MAML2: variants seen among roughly 807,000 people sequenced by gnomAD.
MAML2 encodes mastermind-like protein 2.
MAML2 carries 22 observed loss-of-function variants against 96.1 expected under a neutral mutation model. The observed-to-expected ratio is 0.23, with a 90% CI of 0.16 to 0.33. MAML2 has a LOEUF of 0.33. Among genes scored for constraint, MAML2 ranks in the 10% least tolerant of loss-of-function variants. MAML2 has a pLI of 1.00. For synonymous variants in MAML2, 561 were observed against 521.3 expected (o/e 1.08, Z -1.04); for missense variants, 1,367 against 1,392.4 (o/e 0.98, Z 0.29).
chr11:96,341,350 A>G, intron 1 of MAML2, 33 bp downstream of exon 1: 1 of 1,487,250 alleles, frequency 6.7e-7, no homozygotes, highest in Non-Finnish European at 9.0e-7. Flanking sequence ...TCACAGGACC[A>G]CAGCCAGAAC....
At chr11:96,224,761 A>G (rs966979922) in intron 1 of MAML2, among the ~76,000 whole-genome samples, 1 of 152,242 alleles carries the variant, frequency 6.6e-6, no homozygotes, top group Non-Finnish European at 1.5e-5. Flanking sequence ...GTAGATGCAC[A>G]TAATGTTCTT....
At chr11:96,336,170 C>T (rs1055698020) in intron 1 of MAML2, among the ~76,000 whole-genome samples, 7 of 151,690 alleles carry the variant, frequency 4.6e-5, no homozygotes, top group African/African-American at 1.7e-4. Flanking sequence ...TGAACATGGT[C>T]TAACTATAAA....
intron 1 of MAML2, among the ~76,000 whole-genome samples, chr11:96,105,190 C>T (rs759565944): frequency 6.6e-6 from 1 of 152,166 alleles, no homozygotes; most frequent in Non-Finnish European, 1.5e-5. Flanking sequence ...GGTCATTAAT[C>T]CCACTCTTCC....
chr11:96,161,082 C>G (rs965955267), intron 1 of MAML2, among the ~76,000 whole-genome samples: 2 of 152,148 alleles, frequency 1.3e-5, no homozygotes, highest in Non-Finnish European at 2.9e-5. Flanking sequence ...TATAATATCT[C>G]AAGAGTCAAT....
chr11:96,301,569 A>T (rs1193799546), intron 1 of MAML2, among the ~76,000 whole-genome samples: 1 of 152,230 alleles, frequency 6.6e-6, no homozygotes, highest in Admixed American at 6.5e-5. Context: ...TACCCTGTAG[A>T]TGGCCATGAC....
chr11:96,189,080 T>TC (rs1374262300), intron 1 of MAML2, among the ~76,000 whole-genome samples: 2 of 151,848 alleles, frequency 1.3e-5, no homozygotes, highest in Admixed American at 1.3e-4. Flanking sequence ...TTTTTTTTTT[T>TC]CTATATCTGG....
chr11:95,995,168 C>T (rs1248991273), intron 2 of MAML2, among the ~76,000 whole-genome samples: 3 of 152,188 alleles, frequency 2.0e-5, no homozygotes, highest in Non-Finnish European at 2.9e-5. Flanking sequence ...AGATAGAACT[C>T]GCAGACTACA....
intron 2 of MAML2, among the ~76,000 whole-genome samples, chr11:96,006,870 T>TACACAC (rs1491217661): frequency 1.8e-3 from 197 of 109,892 alleles, no homozygotes; most frequent in Middle Eastern, 9.9e-3. Flanking sequence ...AGGAATATCT[T>TACACAC]ATACACACAC....
At chr11:96,149,294 G>A (rs1860879395) in intron 1 of MAML2, among the ~76,000 whole-genome samples, 1 of 151,678 alleles carries the variant, frequency 6.6e-6, no homozygotes, top group Admixed American at 6.6e-5. Flanking sequence ...GCATACGCCT[G>A]TAATCTCAGC....
chr11:96,305,333 T>C (rs1591123949), intron 1 of MAML2, among the ~76,000 whole-genome samples: 2 of 152,294 alleles, frequency 1.3e-5, no homozygotes, highest in Admixed American at 1.3e-4. Context: ...GAGTGAATCC[T>C]AATGTCAACT....
intron 1 of MAML2, among the ~76,000 whole-genome samples, chr11:96,250,305 A>G (rs576903024): frequency 6.6e-6 from 1 of 152,104 alleles, no homozygotes; most frequent in Admixed American, 6.5e-5. Flanking sequence ...GTACATATTC[A>G]TGAGGTACAT....
intron 1 of MAML2, among the ~76,000 whole-genome samples, chr11:96,244,321 C>T (rs1181972090): frequency 2.0e-5 from 3 of 152,144 alleles, no homozygotes; most frequent in African/African-American, 7.2e-5. Flanking sequence ...CCTATTATGA[C>T]GTGTAAGAAC....
intron 1 of MAML2, among the ~76,000 whole-genome samples, chr11:96,220,015 G>A (rs1317480662): frequency 6.6e-6 from 1 of 152,040 alleles, no homozygotes; most frequent in African/African-American, 2.4e-5. Flanking sequence ...TTAACTCTTG[G>A]GAAACACAAA....
chr11:96,181,304 TGA>T (rs1861481031), intron 1 of MAML2, among the ~76,000 whole-genome samples: 4 of 151,986 alleles, frequency 2.6e-5, no homozygotes, highest in African/African-American at 9.7e-5. Flanking sequence ...TAAATACTGG[TGA>T]CCCTATAAGG....
chr11:95,990,938 G>A (rs1252719853), intron 3 of MAML2, among the ~76,000 whole-genome samples: 2 of 151,950 alleles, frequency 1.3e-5, no homozygotes, highest in Non-Finnish European at 2.9e-5. Flanking sequence ...CAAATATTAG[G>A]TTGGTGCAAA....
In MAML2 at chr11:96,045,864, C is replaced by T. The variant is rs553232259; in HGVS notation, c.2139+46028G>A. Among the ~76,000 whole-genome samples the T allele has an allele frequency of 2.0e-5, 3 of 149,318 alleles. No homozygotes were observed. The South Asian group carries it at 6.4e-4, about 32-fold the overall frequency. On this transcript the variant is annotated intron_variant, in intron 2 of 4. Transcript: ENST00000524717. ...ATTTTTTTTCCCTCGTAACCTTTTG[C>T]TGCCCCTCTTTATTTTTCTCCCAGT...
At chr11:96,205,853 G>A (rs945473392) in intron 1 of MAML2, among the ~76,000 whole-genome samples, 3 of 152,174 alleles carry the variant, frequency 2.0e-5, no homozygotes, top group Non-Finnish European at 1.5e-5. Flanking sequence ...ATTCCCGTCT[G>A]GCTTACAGCT....
At chr11:96,208,311 T>C (rs1207200089) in intron 1 of MAML2, among the ~76,000 whole-genome samples, 1 of 152,220 alleles carries the variant, frequency 6.6e-6, no homozygotes, top group African/African-American at 2.4e-5. Context: ...CTTTTTATTA[T>C]TTCAGTGTTG....
chr11:96,025,796 C>T (rs1240625758), intron 2 of MAML2, among the ~76,000 whole-genome samples: 7 of 152,130 alleles, frequency 4.6e-5, no homozygotes, highest in Admixed American at 3.9e-4. Context: ...CTTTTGACCT[C>T]ATGATCCGCC....
Sources: gnomAD v4.1 joint callset for allele counts (sites outside exome capture counted in the v4.1 genomes callset) on GRCh38, gnomAD v4.1.1 for gene constraint, MANE v1.5 for transcripts, NCBI Gene and HGNC (gene_info 2026-07-23, HGNC 2026-07-21) for gene names.